STPG2: variants seen among roughly 807,000 people sequenced by gnomAD.
The protein encoded by STPG2 is sperm tail PG-rich repeat containing 2, also known as sperm-tail PG-rich repeat-containing protein 2.
Under a neutral mutation model 54.2 loss-of-function variants are expected in STPG2, and 56 were observed. The observed-to-expected ratio is 1.03, with a 90% CI of 0.83 to 1.29. The LOEUF (loss-of-function observed/expected upper bound fraction) is 1.29, where lower values mean the gene tolerates loss of function less well. Among genes scored for constraint, STPG2 ranks in the 50% most tolerant of loss-of-function variants. The pLI, the probability that STPG2 is intolerant of heterozygous loss-of-function variation, is 0.00. For synonymous variants in STPG2, 200 were observed against 181.8 expected, an observed-to-expected ratio of 1.10 and a Z score of -0.81; for missense variants, 596 against 544.9, an observed-to-expected ratio of 1.09 and a Z score of -0.93.
At chr4:97,701,144 C>T (rs901780566) in intron 10 of STPG2, among the ~76,000 whole-genome samples, 2 of 152,098 alleles carry the variant, frequency 1.3e-5, no homozygotes, top group Admixed American at 6.6e-5. Flanking sequence ...GCTCTTAATG[C>T]CTTCCATTTG....
chr4:98,115,962 A>G (rs1377889004), intron 3 of STPG2, among the ~76,000 whole-genome samples: 6 of 138,048 alleles, frequency 4.3e-5, no homozygotes, highest in Non-Finnish European at 8.0e-5. Flanking sequence ...ACTGATACAG[A>G]AAACTACGTT....
At chr4:98,041,036 T>C (rs114298224) in intron 5 of STPG2, among the ~76,000 whole-genome samples, 6,123 of 151,904 alleles carry the variant, frequency 0.04, 179 homozygotes, top group Middle Eastern at 0.075. Context: ...TTCACCATTT[T>C]CCTTTCTTTT....
chr4:97,492,964 C>T (rs1399473871), intron 4 of STPG2, among the ~76,000 whole-genome samples: 1 of 148,516 alleles, frequency 6.7e-6, no homozygotes, highest in Non-Finnish European at 1.5e-5. Context: ...TCTAGAATGC[C>T]CTCAGGGACT....
intron 10 of STPG2, among the ~76,000 whole-genome samples, chr4:97,677,122 A>T (rs1722875728): frequency 6.6e-6 from 1 of 152,246 alleles, no homozygotes; most frequent in African/African-American, 2.4e-5. Flanking sequence ...TAGTATAAAT[A>T]TTGTTCTAAA....
chr4:98,107,414 G>A (rs564542537), intron 4 of STPG2, among the ~76,000 whole-genome samples: 93 of 152,178 alleles, frequency 6.1e-4, no homozygotes, highest in African/African-American at 2.2e-3. Flanking sequence ...TTACAAAAAC[G>A]GTGAAGTAAC....
chr4:97,939,848 G>A (rs928312956), intron 8 of STPG2, among the ~76,000 whole-genome samples: 1 of 152,170 alleles, frequency 6.6e-6, no homozygotes, highest in African/African-American at 2.4e-5. Flanking sequence ...GCATTGTGCT[G>A]TTAGCTGGTT....
intron 10 of STPG2, among the ~76,000 whole-genome samples, chr4:97,686,694 T>C (rs989164563): frequency 5.9e-5 from 9 of 152,116 alleles, no homozygotes; most frequent in African/African-American, 1.7e-4. Flanking sequence ...ATAATACTTT[T>C]ATTTCCTGGA....
At chr4:98,124,711 A>T (rs1268346892) in intron 3 of STPG2, among the ~76,000 whole-genome samples, 1 of 152,058 alleles carries the variant, frequency 6.6e-6, no homozygotes, top group Non-Finnish European at 1.5e-5. Flanking sequence ...CCTGAATTTG[A>T]ATGTCAGCCT....
At chr4:97,651,314 T>TA (rs1367728306) in intron 10 of STPG2, among the ~76,000 whole-genome samples, 1 of 152,058 alleles carries the variant, frequency 6.6e-6, no homozygotes, top group Non-Finnish European at 1.5e-5. Flanking sequence ...GAAGAAAACT[T>TA]ACAGTTGAAA....
chr4:98,087,996 C>T (rs1009521610), intron 5 of STPG2, among the ~76,000 whole-genome samples: 3 of 152,164 alleles, frequency 2.0e-5, no homozygotes, highest in Admixed American at 6.6e-5. Flanking sequence ...TCATAAATGC[C>T]ATGAGTGGAA....
intron 10 of STPG2, among the ~76,000 whole-genome samples, chr4:97,709,806 T>A (rs1724056835): frequency 6.6e-6 from 1 of 151,924 alleles, no homozygotes; most frequent in Non-Finnish European, 1.5e-5. Flanking sequence ...AATGAATCAA[T>A]AAAATTTACT....
At chr4:98,047,216 C>T (rs1228876325) in intron 5 of STPG2, among the ~76,000 whole-genome samples, 1 of 152,156 alleles carries the variant, frequency 6.6e-6, no homozygotes, top group Non-Finnish European at 1.5e-5. Flanking sequence ...ATTCAAGTAG[C>T]CAGCCCCTCA....
chr4:98,091,749 T>C (rs1738697298), intron 5 of STPG2, among the ~76,000 whole-genome samples: 1 of 152,070 alleles, frequency 6.6e-6, no homozygotes, highest in African/African-American at 2.4e-5. Context: ...TGTCAGACAC[T>C]GTGTTAAGCA....
chr4:97,716,395 A>G (rs1028145157), intron 9 of STPG2, among the ~76,000 whole-genome samples: 5 of 152,158 alleles, frequency 3.3e-5, no homozygotes, highest in Admixed American at 6.5e-5. Context: ...AGACACATGC[A>G]CACGTATGTT....
chr4:97,855,187 A>G (rs540429923), intron 8 of STPG2, among the ~76,000 whole-genome samples: 10 of 152,208 alleles, frequency 6.6e-5, no homozygotes, highest in Non-Finnish European at 1.2e-4. Flanking sequence ...CGTCTTTGCT[A>G]TTGTAAATAA....
chr4:97,661,688 G>GA (rs1287075511), intron 10 of STPG2, among the ~76,000 whole-genome samples: 3 of 150,736 alleles, frequency 2.0e-5, no homozygotes, highest in African/African-American at 7.3e-5. Context: ...TACTTTAAGT[G>GA]AAAAGAAAAG....
At chr4:97,923,971 G>T (rs1418170217) in intron 8 of STPG2, among the ~76,000 whole-genome samples, 1 of 152,292 alleles carries the variant, frequency 6.6e-6, no homozygotes, top group South Asian at 2.1e-4. Context: ...AAAGCAGGCT[G>T]CCTGAGCCAG....
At chr4:97,736,105 T>C (rs976491869) in intron 9 of STPG2, among the ~76,000 whole-genome samples, 2 of 152,170 alleles carry the variant, frequency 1.3e-5, no homozygotes, top group Admixed American at 6.5e-5. Context: ...TGTAGATTGG[T>C]ACAGCCCTTA....
At chr4:97,447,872 C>A (rs1384055353) in intron 4 of STPG2, among the ~76,000 whole-genome samples, 10 of 152,108 alleles carry the variant, frequency 6.6e-5, no homozygotes, top group Admixed American at 6.5e-4. Flanking sequence ...GAGAAGAAAG[C>A]CACCCTTATC....
Sources: allele counts gnomAD v4.1 joint callset (sites outside exome capture counted in the v4.1 genomes callset), GRCh38; gene constraint gnomAD v4.1.1; transcripts MANE v1.5; gene names NCBI Gene and HGNC (gene_info 2026-07-23, HGNC 2026-07-21).